Variants in KLHL13 observed in about 807,000 individuals in gnomAD.
KLHL13 encodes kelch-like protein 13.
KLHL13 carries 10 observed loss-of-function variants against 37.1 expected under a neutral mutation model. The ratio of observed to expected loss-of-function variants is 0.27; its 90% confidence interval spans 0.17 to 0.46. KLHL13 has a LOEUF of 0.46. Among genes scored for constraint, KLHL13 ranks in the 20% least tolerant of loss-of-function variants. The pLI, the probability that KLHL13 is intolerant of heterozygous loss-of-function variation, is 1.00. For missense variants in KLHL13, 360 were observed against 509.3 expected, an observed-to-expected ratio of 0.71 and a Z score of 2.82; for synonymous variants, 163 against 181.2, an observed-to-expected ratio of 0.90 and a Z score of 0.81.
intron 2 of KLHL13, among the ~76,000 whole-genome samples, chrX:117,943,436 C>T (rs893863885): frequency 9.0e-6 from 1 of 110,752 alleles, no homozygotes. Flanking sequence ...AACTTTGTTC[C>T]ATTCTCCCCA....
intron 1 of KLHL13, among the ~76,000 whole-genome samples, chrX:118,036,013 A>T (rs1469252562): frequency 2.0e-5 from 2 of 102,550 alleles, no homozygotes; most frequent in Non-Finnish European, 1.9e-5. Context: ...AGAGAATAAA[A>T]TACCTAGGAG....
At chrX:118,069,282 C>T (rs2054829828) in intron 1 of KLHL13, among the ~76,000 whole-genome samples, 1 of 109,841 alleles carries the variant, frequency 9.1e-6, no homozygotes, top group African/African-American at 3.3e-5. Flanking sequence ...GCTCCATGCA[C>T]GTTATTGCCC....
intron 1 of KLHL13, among the ~76,000 whole-genome samples, chrX:118,010,595 T>A (rs1472277095): frequency 4.1e-5 from 2 of 49,135 alleles, no homozygotes; most frequent in African/African-American, 8.3e-5. Context: ...TGTGGTGGGG[T>A]GGGGGGAGGG....
intron 1 of KLHL13, among the ~76,000 whole-genome samples, chrX:117,960,513 GCCAAACA>G (rs1395744422): frequency 2.7e-5 from 3 of 112,006 alleles, no homozygotes; most frequent in Non-Finnish European, 5.6e-5. Flanking sequence ...CCCTGCACCT[GCCAAACA>G]CCAAACACTA....
intron 1 of KLHL13, among the ~76,000 whole-genome samples, chrX:118,033,403 ACT>A (rs748737544): frequency 9.0e-5 from 10 of 111,642 alleles, no homozygotes; most frequent in African/African-American, 3.3e-4. Context: ...CTCGGCAGAA[ACT>A]CTACAAGCCA....
chrX:118,000,680 G>A (rs2053911062), intron 1 of KLHL13, among the ~76,000 whole-genome samples: 1 of 112,044 alleles, frequency 8.9e-6, no homozygotes, highest in African/African-American at 3.2e-5. Context: ...TTTCTTGCCT[G>A]TAACTCATTT....
chrX:117,923,777 G>A (rs1478810044), intron 2 of KLHL13, among the ~76,000 whole-genome samples: 1 of 111,401 alleles, frequency 9.0e-6, no homozygotes, highest in African/African-American at 3.3e-5. Context: ...TCAAGATCTG[G>A]ACAGCTTTGC....
At chrX:117,912,456 T>G (rs1411072080) in intron 4 of KLHL13, among the ~76,000 whole-genome samples, 1 of 112,149 alleles carries the variant, frequency 8.9e-6, no homozygotes, top group Non-Finnish European at 1.9e-5. Context: ...TCAAGGTATT[T>G]AATTCCTTCA....
At chrX:118,108,170 C>T (rs1197042231) in intron 1 of KLHL13, among the ~76,000 whole-genome samples, 2 of 112,227 alleles carry the variant, frequency 1.8e-5, no homozygotes, top group East Asian at 2.8e-4. Context: ...ACTCTACAAA[C>T]TACAAGCAAA....
intron 1 of KLHL13, 94 bp downstream of exon 2, chrX:118,028,330 C>T (rs2054296457): frequency 1.9e-6 from 1 of 525,722 alleles, no homozygotes; most frequent in Non-Finnish European, 3.2e-6. Context: ...TTACTTTATA[C>T]CAAGTATTCA....
At chrX:118,022,737 C>T (rs983070843) in intron 1 of KLHL13, among the ~76,000 whole-genome samples, 1 of 112,000 alleles carries the variant, frequency 8.9e-6, no homozygotes, top group Admixed American at 9.5e-5. Context: ...AAGATATTAA[C>T]CCTCATCACA....
intron 1 of KLHL13, among the ~76,000 whole-genome samples, chrX:118,056,207 A>G (rs1347525866): frequency 8.9e-6 from 1 of 112,207 alleles, no homozygotes; most frequent in Admixed American, 9.5e-5. Flanking sequence ...AATTTAAAAC[A>G]ATTCCATCAA....
chrX:118,031,665 A>G lies in KLHL13; in HGVS notation c.-56+84843T>C, dbSNP rs966651162. Among the ~76,000 whole-genome samples the G allele has an allele frequency of 4.9e-5, 5 of 101,026 alleles. No individual in the cohort carries two copies. In the South Asian group the frequency reaches 2.1e-3, roughly 43 times the overall value. 87.7% of individuals were successfully genotyped at this position (101,026 alleles called of 115,157 possible). On this transcript the variant is annotated intron_variant, in intron 1 of 6. Coordinates refer to the KLHL13 transcript ENST00000371882. ...TATATATATATATTTAGTTATATAT[A>G]ATATATATAACTAAAATTTTTAGCC...
intron 1 of KLHL13, among the ~76,000 whole-genome samples, chrX:118,108,506 A>G (rs1391556369): frequency 7.1e-5 from 8 of 112,454 alleles, no homozygotes; most frequent in Non-Finnish European, 1.3e-4. Context: ...GCATTCCTCC[A>G]ATGCTCTGCT....
chrX:117,919,012 G>A (rs890690100), intron 4 of KLHL13, among the ~76,000 whole-genome samples: 21 of 111,270 alleles, frequency 1.9e-4, no homozygotes, highest in African/African-American at 6.9e-4. Context: ...CATGTCATTT[G>A]ATTACACAGA....
rs748042882 is a variant in KLHL13, at chrX:118,090,442, A to C, written c.-56+26066T>G. Among the ~76,000 whole-genome samples the C allele has an allele frequency of 1.1e-3, 127 of 111,869 alleles. 1 individual carries two copies. The highest frequency in any genetic ancestry group is 4.0e-3 in the African/African-American group (122 of 30,807). On this transcript the variant is annotated intron_variant, in intron 1 of 6. Coordinates refer to the KLHL13 transcript ENST00000371882. ...CTAATTTCCAAGAAAAAACAAACAAACAACCCCATCAAAAAGTGGGTGAAG... is the reference window on the plus strand; with the variant it reads ...CTAATTTCCAAGAAAAAACAAACAACCAACCCCATCAAAAAGTGGGTGAAG...
At chrX:117,973,685 C>T (rs1398707142) in exon 1 of KLHL13, 2 of 846,566 alleles carry the variant, frequency 2.4e-6, no homozygotes, top group Non-Finnish European at 2.9e-6. Flanking sequence ...TGTAGTAACA[C>T]AAATATCACT....
intron 1 of KLHL13, among the ~76,000 whole-genome samples, chrX:118,067,290 T>C (rs2054805181): frequency 9.0e-6 from 1 of 111,452 alleles, no homozygotes; most frequent in South Asian, 3.8e-4. Context: ...GGTACACCTG[T>C]ATAGGGCACT....
At chrX:117,951,276 T>C (rs1425443682) in intron 1 of KLHL13, among the ~76,000 whole-genome samples, 4 of 111,875 alleles carry the variant, frequency 3.6e-5, no homozygotes, top group Non-Finnish European at 7.5e-5. Flanking sequence ...AACTTAAAAT[T>C]TCAAATATTG....
Sources: gnomAD v4.1 joint callset for allele counts (sites outside exome capture counted in the v4.1 genomes callset) on GRCh38, gnomAD v4.1.1 for gene constraint, MANE v1.5 for transcripts, NCBI Gene and HGNC (gene_info 2026-07-23, HGNC 2026-07-21) for gene names.